Variants in ANK2 observed in about 807,000 individuals in gnomAD.
ANK2 encodes ankyrin 2.
ANK2 carries 83 observed loss-of-function variants against 360.5 expected under a neutral mutation model. That is an observed-to-expected ratio of 0.23 (90% CI 0.19 to 0.28). The LOEUF is 0.28. Among genes scored for constraint, ANK2 ranks in the 10% least tolerant of loss-of-function variants. The pLI is 1.00. For synonymous variants in ANK2, 1,740 were observed against 1,759.5 expected, an observed-to-expected ratio of 0.99 and a Z score of 0.28; for missense variants, 4,201 against 4,795.7, an observed-to-expected ratio of 0.88 and a Z score of 3.66.
chr4:113,061,044 A>T (rs572813115), intron 1 of ANK2, among the ~76,000 whole-genome samples: 77 of 152,240 alleles, frequency 5.1e-4, no homozygotes, highest in African/African-American at 1.7e-3. Context: ...TTAAAGAACC[A>T]GTAGGACTGA....
chr4:112,996,144 C>G (rs899892701), intron 2 of ANK2, among the ~76,000 whole-genome samples: 3 of 152,044 alleles, frequency 2.0e-5, no homozygotes, highest in African/African-American at 7.2e-5. Context: ...AGATGGATCT[C>G]AAAATAATGA....
Position 113,258,101 on chromosome 4 carries a change from A to G in ANK2, c.1240A>G (p.Met414Val). Residue 414 changes from methionine to valine, a missense_variant, in exon 12 of 46, where the codon ATG becomes GTG. Transcript: ENST00000357077. The part of the protein sequence containing the change: ...IACKKNRIKV[M>V]ELLVKYGASI... ...CTGCAAGAAAAACCGCATCAAAGTC[A>G]TGGAACTGCTGGTGAAATATGGGGC... is the stretch of plus-strand genomic sequence containing the variant. The G allele has an allele frequency of 6.2e-7, 1 of 1,614,240 alleles. No individual in the cohort carries two copies. Among genetic ancestry groups the G allele is most frequent in the Non-Finnish European group, 8.5e-7 (1 of 1,180,036 alleles).
intron 20 of ANK2, among the ~76,000 whole-genome samples, chr4:113,290,219 A>G (rs1001326926): frequency 9.3e-5 from 14 of 151,252 alleles, no homozygotes; most frequent in Admixed American, 1.3e-4. Context: ...TTACATTTGG[A>G]ACCATATATC....
chr4:113,170,286 T>C (rs758764709), intron 1 of ANK2, among the ~76,000 whole-genome samples: 7 of 152,202 alleles, frequency 4.6e-5, no homozygotes, highest in Non-Finnish European at 8.8e-5. Flanking sequence ...TATATGAAGA[T>C]AGCATCTGAG....
At chr4:112,927,179 T>C (rs767480705) in intron 2 of ANK2, among the ~76,000 whole-genome samples, 4 of 152,188 alleles carry the variant, frequency 2.6e-5, no homozygotes, top group Non-Finnish European at 5.9e-5. Context: ...AGGTGAGATT[T>C]GGGTGGGGAC....
chr4:113,339,889 C>T (rs1262984890), intron 32 of ANK2, among the ~76,000 whole-genome samples: 2 of 152,188 alleles, frequency 1.3e-5, no homozygotes, highest in Non-Finnish European at 2.9e-5. Context: ...CTCTCTTTAA[C>T]TTGACATTAC....
At chr4:113,117,485 G>T in intron 1 of ANK2, 1 of 443,424 alleles carries the variant, frequency 2.3e-6, no homozygotes, top group Admixed American at 2.4e-5. Context: ...CCTCAGAACT[G>T]GCAACTTCAT....
chr4:112,782,255 C>T, the ANK2 span, among the ~76,000 whole-genome samples: 327 of 152,060 alleles, frequency 2.2e-3, 1 homozygote, highest in African/African-American at 7.5e-3. Context: ...AGAAGTGAAA[C>T]GCTGGCCATG....
chr4:112,738,993 C>T, the ANK2 span: 2,242 of 672,466 alleles, frequency 3.3e-3, 5 homozygotes, highest in Admixed American at 6.1e-3. Flanking sequence ...TCTTACTGTG[C>T]TGAGGTCGCT....
chr4:113,012,976 G>A lies in ANK2; in HGVS notation c.21+108462G>A, dbSNP rs189756459. Among the ~76,000 whole-genome samples the A allele has an allele frequency of 1.5e-3, 223 of 152,242 alleles. 3 individuals are homozygous for A. The highest frequency in any genetic ancestry group is 7.4e-4 in the Non-Finnish European group (50 of 67,992). ...GAATAAGTGAAGGGGCTTTGTGGGC[G>A]TGAGTTGTGACTGGTTGCTAAGAAT... On this transcript the variant is annotated intron_variant, in intron 2 of 30. Transcript: ENST00000503271.
intron 41 of ANK2, among the ~76,000 whole-genome samples, chr4:113,366,581 C>T (rs539168770): frequency 6.6e-6 from 1 of 151,904 alleles, no homozygotes; most frequent in South Asian, 2.1e-4. Flanking sequence ...TTCTGGAGCA[C>T]CCTCTGCATT....
intron 37 of ANK2, among the ~76,000 whole-genome samples, 185 bp from the exon 38 acceptor site, chr4:113,352,860 T>A (rs755924320): frequency 1.1e-4 from 16 of 152,234 alleles, no homozygotes; most frequent in Non-Finnish European, 2.1e-4. Context: ...GTTTTTTTTT[T>A]CGTTAGCCTT....
chr4:113,372,709 G>A, intron 43 of ANK2: 1 of 989,296 alleles, frequency 1.0e-6, no homozygotes, highest in East Asian at 2.6e-5. Flanking sequence ...ATGAAGGCTT[G>A]GCATGTTCCT....
chr4:112,805,340 G>C, the ANK2 span, among the ~76,000 whole-genome samples: 33 of 152,270 alleles, frequency 2.2e-4, no homozygotes, highest in Non-Finnish European at 3.5e-4. Context: ...GAGGAAACCA[G>C]AAGTATTTGC....
intron 1 of ANK2, among the ~76,000 whole-genome samples, chr4:112,891,484 A>G (rs534583101): frequency 6.6e-6 from 1 of 152,306 alleles, no homozygotes; most frequent in East Asian, 1.9e-4. Context: ...GCTTATATCA[A>G]AATTATCCAA....
intron 2 of ANK2, among the ~76,000 whole-genome samples, chr4:112,977,572 T>A (rs886390266): frequency 6.7e-6 from 1 of 149,414 alleles, no homozygotes; most frequent in African/African-American, 2.4e-5. Context: ...TTTATTTTAT[T>A]TTTTTTTTTT....
intron 2 of ANK2, among the ~76,000 whole-genome samples, chr4:113,190,622 A>G (rs2098645320): frequency 6.6e-6 from 1 of 152,160 alleles, no homozygotes; most frequent in Non-Finnish European, 1.5e-5. Context: ...TAGGATTATG[A>G]TGCAGAGGCC....
chr4:112,829,916 G>A (rs543302869), intron 1 of ANK2, among the ~76,000 whole-genome samples: 4 of 151,912 alleles, frequency 2.6e-5, no homozygotes, highest in African/African-American at 9.7e-5. Context: ...TGGAGATCGC[G>A]CCACTGCACT....
intron 2 of ANK2, among the ~76,000 whole-genome samples, chr4:112,930,026 T>C (rs777426062): frequency 2.0e-5 from 3 of 152,206 alleles, no homozygotes; most frequent in Non-Finnish European, 4.4e-5. Flanking sequence ...AACTTTTTGC[T>C]TCCAATGTCA....
Sources: gnomAD v4.1 joint callset for allele counts (sites outside exome capture counted in the v4.1 genomes callset) on GRCh38, gnomAD v4.1.1 for gene constraint, MANE v1.5 for transcripts, NCBI Gene and HGNC (gene_info 2026-07-23, HGNC 2026-07-21) for gene names.